Variants in LRRC51 observed in about 807,000 individuals in gnomAD.
The protein encoded by LRRC51 is leucine-rich repeat-containing protein 51.
LRRC51 carries 8 observed loss-of-function variants against 17.8 expected under a neutral mutation model. That is an observed-to-expected ratio of 0.45 (90% CI 0.26 to 0.81). LRRC51 has a LOEUF of 0.81. Among genes scored for constraint, LRRC51 ranks in the 30% least tolerant of loss-of-function variants. LRRC51 has a pLI of 0.17. For synonymous variants in LRRC51, 92 were observed against 96.0 expected (o/e 0.96, Z 0.24); for missense variants, 233 against 239.3 (o/e 0.97, Z 0.17).
In LRRC51 at chr11:72,088,299, A is replaced by T. The variant is rs1484276370; in HGVS notation, c.-137A>T. The T allele has an allele frequency of 8.6e-6, 6 of 699,962 alleles. No homozygotes were observed. The Admixed American group carries it at 1.2e-4, about 14-fold the overall frequency. 43.4% of individuals were successfully genotyped at this position (699,962 alleles called of 1,614,324 possible). Reference sequence around the variant, plus strand: ...AACATTGTGTTCATCCCTGTCAGGGAGTATTTCCATTTTAACCGGAAACAA... The same window carrying T: ...AACATTGTGTTCATCCCTGTCAGGGTGTATTTCCATTTTAACCGGAAACAA... On this transcript the variant is annotated splice_region_variant and 5_prime_UTR_variant, in exon 2 of 6. Coordinates refer to ENST00000289488, the MANE Select transcript of LRRC51 (RefSeq NM_145309.6).
At chr11:72,092,456 C>T (rs535245834) in intron 3 of LRRC51, among the ~76,000 whole-genome samples, 3 of 152,306 alleles carry the variant, frequency 2.0e-5, no homozygotes, top group African/African-American at 4.8e-5. Context: ...ACTCAAACAG[C>T]CAAATTGGTC....
chr11:72,093,899 A>T (rs774059992), intron 4 of LRRC51, among the ~76,000 whole-genome samples, 198 bp downstream of exon 4: 60 of 152,352 alleles, frequency 3.9e-4, no homozygotes, highest in Non-Finnish European at 5.6e-4. Flanking sequence ...ACTTTGAGCA[A>T]GCTACCTAAC....
intron 3 of LRRC51, 106 bp from the exon 4 acceptor site, chr11:72,093,390 C>A: frequency 9.1e-7 from 1 of 1,102,084 alleles, no homozygotes; most frequent in Non-Finnish European, 1.4e-6. Flanking sequence ...CCCTTCCAGA[C>A]CCTCCAGCTA....
Position 72,084,360 on chromosome 11 carries a change from G to A in LRRC51, c.-140+3475G>A, listed in dbSNP as rs115226027. 3.7e-3 allele frequency among the ~76,000 whole-genome samples: 569 copies of A among 152,224 alleles called. 4 individuals are homozygous for A. The highest frequency in any genetic ancestry group is 0.013 in the African/African-American group (550 of 41,516). ...GCAACAAATCAAATTCCAAATGTTA[G>A]TAATTTCCCAAAACTGAAAACAGTT... On this transcript the variant is annotated intron_variant, in intron 1 of 5. Coordinates refer to ENST00000289488, the MANE Select transcript of LRRC51 (RefSeq NM_145309.6).
intron 3 of LRRC51, 30 bp downstream of exon 3, chr11:72,089,195 A>C (rs746309413): frequency 5.6e-6 from 9 of 1,613,948 alleles, no homozygotes; most frequent in Admixed American, 3.3e-5. Context: ...TACTCCACTC[A>C]CTAAGGCAGC....
chr11:72,096,441 T>C lies in LRRC51; in HGVS notation c.*921T>C, dbSNP rs1945214804. 1 of 803,446 alleles carries C rather than the reference T, an allele frequency of 1.2e-6. No individual in the cohort carries two copies. The highest frequency in any genetic ancestry group is 1.6e-6 in the Non-Finnish European group (1 of 639,386). The allele number at this position is 803,446 out of a possible 1,614,324, so 49.8% of individuals were successfully genotyped here. A position where few individuals can be genotyped will look rare whatever the true frequency, so the allele number is the denominator to read the frequency against. ...TTAGTAGAGATGGGGTTTCGCCATG[T>C]TGGCCAGGCTGGTCTCAAACTCCTG... On this transcript the variant is annotated 3_prime_UTR_variant, in exon 6 of 6. Transcript: ENST00000289488.
chr11:72,096,165 G>T lies in LRRC51; in HGVS notation c.*645G>T, dbSNP rs1460184235. The stretch of plus-strand genomic sequence containing the variant: ...CTATAGGCACCTACTACCACGCCTG[G>T]CTAATTTTTTGTATTTTTAGTAGAG... On this transcript the variant is annotated 3_prime_UTR_variant, in exon 6 of 6. Transcript: ENST00000289488. 6.2e-6 allele frequency: 1 copy of T among 160,114 alleles called. No individual in the cohort carries two copies. The highest frequency in any genetic ancestry group is 6.0e-5 in the Admixed American group (1 of 16,704). The allele number at this position is 160,114 out of a possible 1,614,324, so 9.9% of individuals were successfully genotyped here.
chr11:72,082,102 C>T lies in LRRC51; in HGVS notation c.-140+1217C>T, dbSNP rs1185418178. Among the ~76,000 whole-genome samples, 5 of 152,286 alleles carry T rather than the reference C, an allele frequency of 3.3e-5. No individual in the cohort carries two copies. In the East Asian group the frequency reaches 7.7e-4, roughly 24 times the overall value. ...TTAAACTGCCCCAGGGAAAAGGAACCTGTGTGGCCTACTTTGTATTATTTA... is the reference window on the plus strand; with the variant it reads ...TTAAACTGCCCCAGGGAAAAGGAACTTGTGTGGCCTACTTTGTATTATTTA... On this transcript the variant is annotated intron_variant, in intron 1 of 5. Coordinates refer to ENST00000289488, the MANE Select transcript of LRRC51 (RefSeq NM_145309.6).
At chr11:72,095,358 C>T in intron 5 of LRRC51, 21 bp from the exon 6 acceptor site, 1 of 1,613,622 alleles carries the variant, frequency 6.2e-7, no homozygotes, top group Non-Finnish European at 8.5e-7. Flanking sequence ...TGCTGGCCCC[C>T]AGCCTAAGTC....
chr11:72,087,445 T>C (rs1427647277), intron 1 of LRRC51, among the ~76,000 whole-genome samples: 1 of 152,038 alleles, frequency 6.6e-6, no homozygotes, highest in East Asian at 1.9e-4. Context: ...GAGTAATAAA[T>C]TCCATTTTAA....
intron 1 of LRRC51, chr11:72,086,378 A>G: frequency 1.4e-6 from 1 of 701,850 alleles, no homozygotes; most frequent in Non-Finnish European, 2.6e-6. Flanking sequence ...GCAAGCACTC[A>G]ACAAATGTTT....
rs1446633802 is a variant in LRRC51, at chr11:72,089,507, T to C, written c.82+342T>C. On this transcript the variant is annotated intron_variant, in intron 3 of 5. Coordinates refer to ENST00000289488, the MANE Select transcript of LRRC51 (RefSeq NM_145309.6). ...GCAGGAAAGTCAAGTGGAAGAAAAC[T>C]GGGAAGCCAGTCTATCAGCCAATAG... 14 of 1,262,362 alleles carry C rather than the reference T, an allele frequency of 1.1e-5. No homozygotes were observed. In the East Asian group the frequency reaches 7.2e-4, roughly 65 times the overall value. The allele number at this position is 1,262,362 out of a possible 1,614,324, so 78.2% of individuals were successfully genotyped here.
At chr11:72,081,491 A>C (rs566430502) in intron 1 of LRRC51, among the ~76,000 whole-genome samples, 4 of 152,074 alleles carry the variant, frequency 2.6e-5, no homozygotes, top group Non-Finnish European at 5.9e-5. Flanking sequence ...CGCAAACATA[A>C]AGCTCCCAAA....
intron 4 of LRRC51, chr11:72,094,424 A>G: frequency 2.0e-6 from 1 of 493,164 alleles, no homozygotes; most frequent in South Asian, 2.6e-5. Flanking sequence ...TAGTCAATAA[A>G]GTACAGCACT....
At chr11:72,086,216 A>C in intron 1 of LRRC51, 3 of 588,896 alleles carry the variant, frequency 5.1e-6, no homozygotes, top group African/African-American at 1.9e-5. Flanking sequence ...TTGAAACATG[A>C]GAGAGTATTC....
chr11:72,093,069 A>T (rs1944956158), intron 3 of LRRC51, among the ~76,000 whole-genome samples: 1 of 152,232 alleles, frequency 6.6e-6, no homozygotes, highest in Non-Finnish European at 1.5e-5. Flanking sequence ...GGTACTCAAC[A>T]TTCATGGAAA....
chr11:72,081,965 AC>A (rs1944241795), intron 1 of LRRC51, among the ~76,000 whole-genome samples: 1 of 152,272 alleles, frequency 6.6e-6, no homozygotes, highest in African/African-American at 2.4e-5. Flanking sequence ...AAGGCCACAC[AC>A]CAAATTAGTG....
In LRRC51 at chr11:72,093,621, G is replaced by C; in HGVS notation, c.208G>C (p.Val70Leu). ...VLNDLRDFNQVASQLLEHPEN... is the reference protein window; with the variant it reads ...VLNDLRDFNQLASQLLEHPEN... Reference sequence around the variant, plus strand: ...CAATGATCTGAGAGACTTCAACCAGGTGGCTTCACAGCTGTTGGAGCACCC... The same window carrying C: ...CAATGATCTGAGAGACTTCAACCAGCTGGCTTCACAGCTGTTGGAGCACCC... Residue 70 changes from valine (V) to leucine (L), a missense_variant, in exon 4 of 6, where the codon GTG (valine) becomes CTG (leucine). Transcript: ENST00000289488. 1.2e-6 allele frequency: 2 copies of C among 1,614,202 alleles called. No individual in the cohort carries two copies. The highest frequency in any genetic ancestry group is 1.7e-6 in the Non-Finnish European group (2 of 1,180,030).
chr11:72,095,351 T>C, intron 5 of LRRC51, 28 bp from the exon 6 acceptor site: 2 of 1,613,408 alleles, frequency 1.2e-6, no homozygotes, highest in Non-Finnish European at 1.7e-6. Flanking sequence ...GTGGGGGTGC[T>C]GGCCCCCAGC....
Sources: gnomAD v4.1 joint callset for allele counts (sites outside exome capture counted in the v4.1 genomes callset) on GRCh38, gnomAD v4.1.1 for gene constraint, MANE v1.5 for transcripts, NCBI Gene and HGNC (gene_info 2026-07-23, HGNC 2026-07-21) for gene names.